The following KIAA1217 variants were observed in gnomAD, a reference collection of about 807,000 sequenced individuals.
KIAA1217 encodes the protein KIAA1217.
Under a neutral mutation model 163.9 loss-of-function variants are expected in KIAA1217, and 88 were observed. That is an observed-to-expected ratio of 0.54 (90% CI 0.45 to 0.64). KIAA1217 has a LOEUF of 0.64. Among genes scored for constraint, KIAA1217 ranks in the 30% least tolerant of loss-of-function variants. The probability of loss-of-function intolerance (pLI) is 0.00; values close to 1 mark genes in which losing one functional copy is unlikely to be tolerated. For synonymous variants in KIAA1217, 903 were observed against 923.1 expected (o/e 0.98, Z 0.39); for missense variants, 2,372 against 2,475.0 (o/e 0.96, Z 0.88).
intron 2 of KIAA1217, among the ~76,000 whole-genome samples, chr10:24,079,557 G>A (rs764104748): frequency 6.6e-6 from 1 of 152,190 alleles, no homozygotes; most frequent in Non-Finnish European, 1.5e-5. Context: ...TACAAGTAAG[G>A]TATCTGATTA....
intron 2 of KIAA1217, among the ~76,000 whole-genome samples, chr10:24,016,459 T>C (rs1847482714): frequency 6.6e-6 from 1 of 152,110 alleles, no homozygotes; most frequent in Admixed American, 6.6e-5. Context: ...CTGCAGCCTG[T>C]ACTCAGAAAA....
chr10:23,829,295 G>A (rs2131034463), intron 1 of KIAA1217, among the ~76,000 whole-genome samples: 1 of 152,246 alleles, frequency 6.6e-6, no homozygotes, highest in Non-Finnish European at 1.5e-5. Context: ...CCGTTACCTG[G>A]ATAATTACTG....
intron 1 of KIAA1217, among the ~76,000 whole-genome samples, chr10:23,737,397 A>G (rs6482334): frequency 0.32 from 47,801 of 151,298 alleles, 8,866 homozygotes; most frequent in African/African-American, 0.51. Flanking sequence ...GTTTCACCAT[A>G]TTGGCCAGGA....
intron 1 of KIAA1217, among the ~76,000 whole-genome samples, chr10:23,951,627 T>TGCAA (rs34524670): frequency 0.17 from 25,760 of 151,364 alleles, 2,743 homozygotes; most frequent in Middle Eastern, 0.26. Context: ...CACTCCAGCC[T>TGCAA]GCAAGCAAGC....
In KIAA1217 at chr10:24,536,773, G is replaced by A; in HGVS notation, c.3415-1G>A. 6.2e-7 allele frequency: 1 copy of A among 1,613,236 alleles called. No homozygotes were observed. Among genetic ancestry groups the A allele is most frequent in the Non-Finnish European group, 8.5e-7 (1 of 1,179,440 alleles). On this transcript the variant is annotated splice_acceptor_variant, in intron 16 of 20. Coordinates refer to ENST00000376454, the MANE Select transcript of KIAA1217 (RefSeq NM_019590.5). LOFTEE classifies it high-confidence loss of function. Reference sequence around the variant, plus strand: ...TTAACCTCAGTATTTTAATTCCTTAGGCATTCCAGAAGTGTTCCTTTATGG... The same window carrying A: ...TTAACCTCAGTATTTTAATTCCTTAAGCATTCCAGAAGTGTTCCTTTATGG...
chr10:24,351,444 C>T (rs1302039225), intron 2 of KIAA1217, among the ~76,000 whole-genome samples: 2 of 152,154 alleles, frequency 1.3e-5, no homozygotes, highest in African/African-American at 2.4e-5. Flanking sequence ...TGTCCTCCCT[C>T]GTTCATTCCC....
intron 2 of KIAA1217, among the ~76,000 whole-genome samples, chr10:24,166,415 T>G (rs984293460): frequency 5.9e-5 from 9 of 152,104 alleles, no homozygotes; most frequent in African/African-American, 2.2e-4. Context: ...ATCAGTAGGG[T>G]GACAATAGTC....
At chr10:24,239,255 G>A in intron 2 of KIAA1217, 1 of 985,404 alleles carries the variant, frequency 1.0e-6, no homozygotes, top group Non-Finnish European at 1.2e-6. Flanking sequence ...GGAAGACCCT[G>A]GAGTCCGTTC....
chr10:24,501,472 A>G lies in KIAA1217; in HGVS notation c.1928A>G (p.His643Arg), dbSNP rs760292937. 1.2e-6 allele frequency: 2 copies of G among 1,614,004 alleles called. No individual in the cohort carries two copies. Among genetic ancestry groups the G allele is most frequent in the Non-Finnish European group, 1.7e-6 (2 of 1,179,972 alleles). The change falls in exon 9 of 21, where the codon CAC becomes CGC. Residue 643 changes from histidine (H) to arginine (R), a missense_variant. Coordinates refer to ENST00000376454, the MANE Select transcript of KIAA1217 (RefSeq NM_019590.5). ...CCACCTGTGGGCACCTCAGCCATCC[A>G]CATGAGCCTGCTTGAGATGAGGCGG... ...QPPPVGTSAI[H>R]MSLLEMRRSV...
Position 24,433,202 on chromosome 10 carries a change from T to C in KIAA1217, c.752+9T>C, listed in dbSNP as rs1423731651. 4 of 1,601,146 alleles carry C rather than the reference T, an allele frequency of 2.5e-6. No individual in the cohort carries two copies. The South Asian group carries it at 4.5e-5, about 18-fold the overall frequency. On this transcript the variant is annotated intron_variant, in intron 4 of 20. Coordinates refer to ENST00000376454, the MANE Select transcript of KIAA1217 (RefSeq NM_019590.5). The stretch of plus-strand genomic sequence containing the variant: ...GAATTAAATGATGTAAGGTAAGTTG[T>C]GACATCATTTTTTGCCTGCCATTTT...
At chr10:23,758,509 T>C (rs1008520897) in intron 1 of KIAA1217, among the ~76,000 whole-genome samples, 3 of 152,288 alleles carry the variant, frequency 2.0e-5, no homozygotes, top group South Asian at 2.1e-4. Flanking sequence ...TGTTATTTTT[T>C]AGAATTGTTT....
chr10:23,704,172 G>GTGTGTGTGTATATATATATATT (rs1229370789), intron 1 of KIAA1217, among the ~76,000 whole-genome samples: 1 of 39,926 alleles, frequency 2.5e-5, no homozygotes, highest in African/African-American at 1.3e-4. Context: ...GTGTGTGTGT[G>GTGTGTGTGTATATATATATATT]TATATATATA....
intron 2 of KIAA1217, among the ~76,000 whole-genome samples, chr10:24,179,568 A>G (rs2066069872): frequency 1.3e-5 from 2 of 152,038 alleles, no homozygotes; most frequent in African/African-American, 2.4e-5. Flanking sequence ...TAAATTGCCC[A>G]GTTTCAGGAA....
intron 2 of KIAA1217, among the ~76,000 whole-genome samples, chr10:24,154,303 C>T (rs552665501): frequency 4.0e-5 from 6 of 151,792 alleles, no homozygotes; most frequent in African/African-American, 1.4e-4. Context: ...TGACACACGC[C>T]TGTGTCCCAG....
At chr10:23,767,523 C>A (rs1834597306) in intron 1 of KIAA1217, among the ~76,000 whole-genome samples, 1 of 151,992 alleles carries the variant, frequency 6.6e-6, no homozygotes, top group South Asian at 2.1e-4. Flanking sequence ...ATTGCTTGAG[C>A]CTAGGAGTTT....
chr10:23,884,621 T>G (rs558158487), intron 1 of KIAA1217, among the ~76,000 whole-genome samples: 14 of 151,972 alleles, frequency 9.2e-5, no homozygotes, highest in Non-Finnish European at 1.8e-4. Context: ...TTTTCCAAGG[T>G]AGGGAGGCCT....
intron 5 of KIAA1217, among the ~76,000 whole-genome samples, chr10:24,472,117 A>T (rs966199582): frequency 3.3e-5 from 5 of 152,178 alleles, no homozygotes; most frequent in African/African-American, 1.2e-4. Flanking sequence ...TTTCCTTTCT[A>T]TTAAGTGGAA....
chr10:24,335,089 C>T (rs1458831879), intron 2 of KIAA1217, among the ~76,000 whole-genome samples: 2 of 152,110 alleles, frequency 1.3e-5, no homozygotes, highest in Non-Finnish European at 2.9e-5. Flanking sequence ...AACAATGATA[C>T]TAATACATGC....
chr10:24,369,177 CTA>C (rs949310617), intron 2 of KIAA1217, among the ~76,000 whole-genome samples: 11 of 78,824 alleles, frequency 1.4e-4, no homozygotes, highest in South Asian at 9.8e-4. Context: ...AGAACTTTCA[CTA>C]TGTGTGTGTG....
Sources: gnomAD v4.1 joint callset for allele counts (sites outside exome capture counted in the v4.1 genomes callset) on GRCh38, gnomAD v4.1.1 for gene constraint, MANE v1.5 for transcripts, NCBI Gene and HGNC (gene_info 2026-07-23, HGNC 2026-07-21) for gene names.